The following CTNNA2 variants were observed in gnomAD, a reference collection of about 807,000 sequenced individuals.
CTNNA2 encodes the protein catenin alpha-2.
In CTNNA2, 42 loss-of-function variants were observed where a neutral mutation model predicts 101.0. That is an observed-to-expected ratio of 0.42 (90% CI 0.32 to 0.54). The LOEUF (loss-of-function observed/expected upper bound fraction) is 0.54, where lower values mean the gene tolerates loss of function less well. Ranked by LOEUF, CTNNA2 falls within the 20% of genes least tolerant of loss-of-function variation. The pLI, the probability that CTNNA2 is intolerant of heterozygous loss-of-function variation, is 0.14. For missense variants in CTNNA2, 871 were observed against 1,223.1 expected (o/e 0.71, Z 4.29); for synonymous variants, 450 against 456.4 (o/e 0.99, Z 0.18).
intron 3 of CTNNA2, among the ~76,000 whole-genome samples, chr2:79,343,723 G>T (rs893285673): frequency 9.5e-5 from 14 of 147,948 alleles, no homozygotes; most frequent in African/African-American, 3.5e-4. Flanking sequence ...AGACACGGAC[G>T]ATTATTATTA....
intron 3 of CTNNA2, among the ~76,000 whole-genome samples, chr2:79,795,330 A>C (rs1675612491): frequency 6.6e-6 from 1 of 152,164 alleles, no homozygotes; most frequent in African/African-American, 2.4e-5. Context: ...TTGTCTTAAA[A>C]GATTTAAAAA....
At chr2:79,692,100 G>A (rs1684344375) in intron 2 of CTNNA2, among the ~76,000 whole-genome samples, 1 of 152,106 alleles carries the variant, frequency 6.6e-6, no homozygotes, top group African/African-American at 2.4e-5. Context: ...TACAGAATGG[G>A]AGAAAATTTT....
intron 7 of CTNNA2, among the ~76,000 whole-genome samples, chr2:80,198,014 C>G (rs547453108): frequency 6.6e-6 from 1 of 152,266 alleles, no homozygotes; most frequent in East Asian, 1.9e-4. Flanking sequence ...GCAATAGTCA[C>G]TCTGAAATAC....
chr2:79,801,992 CA>C (rs57124311), intron 3 of CTNNA2, among the ~76,000 whole-genome samples: 13,784 of 63,826 alleles, frequency 0.22, 649 homozygotes, highest in East Asian at 0.45. Context: ...AACTCTGTCT[CA>C]AAAAAAAAAA....
chr2:79,891,094 A>G (rs1684268944), intron 6 of CTNNA2, among the ~76,000 whole-genome samples: 2 of 151,766 alleles, frequency 1.3e-5, no homozygotes, highest in Non-Finnish European at 2.9e-5. Context: ...ACATTTTTCT[A>G]TATCAAAATA....
intron 7 of CTNNA2, among the ~76,000 whole-genome samples, chr2:80,278,197 C>A (rs1417398596): frequency 6.6e-6 from 1 of 152,104 alleles, no homozygotes; most frequent in East Asian, 1.9e-4. Context: ...GCACTTAAGA[C>A]AGCGCCCCAA....
chr2:79,875,945 A>G (rs1207836573), intron 6 of CTNNA2, among the ~76,000 whole-genome samples: 1 of 152,132 alleles, frequency 6.6e-6, no homozygotes, highest in East Asian at 1.9e-4. Context: ...AATAACGAGG[A>G]GATATTCACA....
intron 3 of CTNNA2, among the ~76,000 whole-genome samples, chr2:79,841,448 T>C (rs1165294557): frequency 6.6e-6 from 1 of 152,250 alleles, no homozygotes; most frequent in Non-Finnish European, 1.5e-5. Flanking sequence ...TCCCAAGTTC[T>C]AACTGAAAAG....
intron 6 of CTNNA2, among the ~76,000 whole-genome samples, chr2:79,874,677 G>T (rs1414980817): frequency 6.6e-6 from 1 of 152,104 alleles, no homozygotes; most frequent in African/African-American, 2.4e-5. Context: ...GCGTGGTGGC[G>T]CATGCCTGTA....
At chr2:79,906,978 C>G (rs2104308257) in intron 6 of CTNNA2, among the ~76,000 whole-genome samples, 1 of 152,264 alleles carries the variant, frequency 6.6e-6, no homozygotes, top group Middle Eastern at 3.4e-3. Flanking sequence ...AAATAGTATT[C>G]TAATGACACT....
chr2:80,075,043 G>GT (rs979922570), intron 7 of CTNNA2, among the ~76,000 whole-genome samples: 18 of 151,776 alleles, frequency 1.2e-4, no homozygotes, highest in East Asian at 3.9e-4. Context: ...TTCCCTTACT[G>GT]TTTTTTTTCT....
chr2:80,548,261 T>A (rs906405449), intron 11 of CTNNA2, among the ~76,000 whole-genome samples: 1 of 152,162 alleles, frequency 6.6e-6, no homozygotes, highest in African/African-American at 2.4e-5. Flanking sequence ...TGACAGCCCC[T>A]GGAAATCTTC....
chr2:79,243,899 C>T (rs1250725850), intron 2 of CTNNA2, among the ~76,000 whole-genome samples: 1 of 152,174 alleles, frequency 6.6e-6, no homozygotes, highest in Non-Finnish European at 1.5e-5. Flanking sequence ...TTTGTTTTGT[C>T]TCTGATAGTT....
Position 80,302,170 on chromosome 2 carries a change from G to A in CTNNA2, c.1057-91041G>A, listed in dbSNP as rs898445903. On this transcript the variant is annotated intron_variant, in intron 7 of 18. Coordinates refer to ENST00000402739, the MANE Select transcript of CTNNA2 (RefSeq NM_001282597.3). The surrounding 1 kb of genome is among the most constrained non-coding windows in gnomAD (Gnocchi z 6.4). Reference sequence around the variant, plus strand: ...GAGCATATCAGAGCACAGACAAGGAGACCCCAGCCTGGTGCCCGCCGGCCC... The same window carrying A: ...GAGCATATCAGAGCACAGACAAGGAAACCCCAGCCTGGTGCCCGCCGGCCC... 28 of 1,525,942 alleles carry A rather than the reference G, an allele frequency of 1.8e-5. No homozygotes were observed. The highest frequency in any genetic ancestry group is 2.0e-5 in the Non-Finnish European group (23 of 1,133,886). 94.5% of individuals were successfully genotyped at this position (1,525,942 alleles called of 1,614,324 possible). A position where few individuals can be genotyped will look rare whatever the true frequency, so the allele number is the denominator to read the frequency against.
intron 9 of CTNNA2, among the ~76,000 whole-genome samples, chr2:80,528,213 TGAGATG>T (rs1690205681): frequency 6.6e-6 from 1 of 152,192 alleles, no homozygotes; most frequent in Admixed American, 6.5e-5. Context: ...TCGTTTGTTT[TGAGATG>T]GAGTCTCGCT....
intron 11 of CTNNA2, 56 bp from the exon 12 acceptor site, chr2:80,555,637 T>G: frequency 9.5e-7 from 1 of 1,047,660 alleles, no homozygotes; most frequent in Non-Finnish European, 1.3e-6. Context: ...CAATTTTAAT[T>G]GGTTAAGTTC....
chr2:80,541,958 C>T (rs1028452989), intron 9 of CTNNA2, among the ~76,000 whole-genome samples: 2 of 143,538 alleles, frequency 1.4e-5, no homozygotes, highest in African/African-American at 2.6e-5. Context: ...CCATCATACA[C>T]TGTCACTCAG....
intron 7 of CTNNA2, among the ~76,000 whole-genome samples, chr2:80,098,258 T>C (rs1283801751): frequency 1.3e-5 from 2 of 152,204 alleles, no homozygotes; most frequent in South Asian, 2.1e-4. Flanking sequence ...TGTTGGAGTT[T>C]GCTGGAGGTC....
chr2:79,744,648 T>C (rs1671512721), intron 3 of CTNNA2, 66 bp downstream of exon 3: 1 of 1,406,010 alleles, frequency 7.1e-7, no homozygotes, highest in Non-Finnish European at 9.6e-7. Flanking sequence ...GCTTTTTCTT[T>C]AGAATCAATG....
Sources: gnomAD v4.1 joint callset for allele counts (sites outside exome capture counted in the v4.1 genomes callset) on GRCh38, gnomAD v4.1.1 for gene constraint, Gnocchi (gnomAD v3.1) non-coding constraint, MANE v1.5 for transcripts, NCBI Gene and HGNC (gene_info 2026-07-23, HGNC 2026-07-21) for gene names.